Variants in TRIP12 observed in about 807,000 individuals in gnomAD.
TRIP12 encodes E3 ubiquitin-protein ligase TRIP12.
In TRIP12, 25 loss-of-function variants were observed where a neutral mutation model predicts 244.2. The ratio of observed to expected loss-of-function variants is 0.10; its 90% CI spans 0.07 to 0.14. TRIP12 has a LOEUF of 0.14. Ranked by LOEUF, TRIP12 falls within the 10% of genes least tolerant of loss-of-function variation. TRIP12 has a pLI of 1.00. For missense variants in TRIP12, 1,677 were observed against 2,486.4 expected (o/e 0.67, Z 6.92); for synonymous variants, 905 against 873.1 (o/e 1.04, Z -0.64).
At chr2:229,905,064 G>A (rs2072297529) in intron 1 of TRIP12, among the ~76,000 whole-genome samples, 1 of 152,110 alleles carries the variant, frequency 6.6e-6, no homozygotes. Context: ...CACCTGAGGT[G>A]GGGAGTTCGA....
At chr2:229,904,092 G>A (rs2071915447) in intron 1 of TRIP12, among the ~76,000 whole-genome samples, 2 of 151,892 alleles carry the variant, frequency 1.3e-5, no homozygotes, top group African/African-American at 2.4e-5. Context: ...TCACAGATAT[G>A]AGTACAAAGC....
chr2:229,811,214 T>C lies in TRIP12; in HGVS notation c.1987-10A>G. 3 of 1,610,292 alleles carry C rather than the reference T, an allele frequency of 1.9e-6. No individual in the cohort carries two copies. Among genetic ancestry groups the C allele is most frequent in the South Asian group, 2.2e-5 (2 of 90,558 alleles). Reference sequence around the variant, plus strand: ...CTACTGACTTTTTATCCTATTTTTTTAATAAAGGAAAATAAAATTTATTAG... The same window carrying C: ...CTACTGACTTTTTATCCTATTTTTTCAATAAAGGAAAATAAAATTTATTAG... On this transcript the variant is annotated splice_polypyrimidine_tract_variant and intron_variant, in intron 13 of 41. Coordinates refer to ENST00000675903, the MANE Select transcript of TRIP12 (RefSeq NM_001348323.3).
chr2:229,804,682 A>T (rs910016660), intron 18 of TRIP12, among the ~76,000 whole-genome samples: 1 of 152,224 alleles, frequency 6.6e-6, no homozygotes, highest in African/African-American at 2.4e-5. Context: ...ATAACTGATA[A>T]GCAGTAAGTT....
chr2:229,802,857 T>C (rs138680816), intron 20 of TRIP12, among the ~76,000 whole-genome samples: 1 of 151,966 alleles, frequency 6.6e-6, no homozygotes, highest in East Asian at 1.9e-4. Context: ...CTTCAAGCGC[T>C]ACAAAAAGAC....
chr2:229,774,467 G>A (rs1035123985), intron 37 of TRIP12, among the ~76,000 whole-genome samples: 1 of 152,152 alleles, frequency 6.6e-6, no homozygotes, highest in South Asian at 2.1e-4. Context: ...AGAAAAGAGA[G>A]CTGAAGTGCT....
chr2:229,809,343 G>C (rs1029489460), intron 15 of TRIP12, among the ~76,000 whole-genome samples: 16 of 152,026 alleles, frequency 1.1e-4, no homozygotes, highest in African/African-American at 3.6e-4. Flanking sequence ...ACAAAATAGA[G>C]ACAGATAGAA....
chr2:229,905,476 G>A (rs180907308), intron 1 of TRIP12, among the ~76,000 whole-genome samples: 4 of 151,826 alleles, frequency 2.6e-5, no homozygotes, highest in Non-Finnish European at 5.9e-5. Flanking sequence ...GTAGAATAAG[G>A]CCCTCAGTTA....
At chr2:229,804,896 T>C (rs2045446049) in intron 18 of TRIP12, among the ~76,000 whole-genome samples, 1 of 149,950 alleles carries the variant, frequency 6.7e-6, no homozygotes, top group East Asian at 1.9e-4. Flanking sequence ...TGGCCCTTTA[T>C]TTTATTTAAT....
chr2:229,861,279 G>C (rs2060442033), intron 2 of TRIP12, among the ~76,000 whole-genome samples: 1 of 152,116 alleles, frequency 6.6e-6, no homozygotes, highest in Non-Finnish European at 1.5e-5. Context: ...CTAAAAGCAA[G>C]TTTGAGGAAC....
chr2:229,818,060 A>C (rs2048951906), intron 9 of TRIP12, among the ~76,000 whole-genome samples: 1 of 152,138 alleles, frequency 6.6e-6, no homozygotes, highest in African/African-American at 2.4e-5. Flanking sequence ...TAAAAGAAAA[A>C]GCATGTGCAT....
chr2:229,809,475 A>G (rs1481484363), intron 15 of TRIP12, among the ~76,000 whole-genome samples: 1 of 152,228 alleles, frequency 6.6e-6, no homozygotes, highest in Non-Finnish European at 1.5e-5. Context: ...AAAAGAAAAA[A>G]AATGTTAAAA....
At chr2:229,782,039 A>T (rs1292774065) in intron 34 of TRIP12, among the ~76,000 whole-genome samples, 2 of 152,188 alleles carry the variant, frequency 1.3e-5, no homozygotes, top group African/African-American at 2.4e-5. Flanking sequence ...ACCATGAGGG[A>T]TGAGAGAGGA....
chr2:229,839,226 C>T (rs112761922), intron 5 of TRIP12, among the ~76,000 whole-genome samples: 2 of 152,104 alleles, frequency 1.3e-5, no homozygotes, highest in Non-Finnish European at 2.9e-5. Context: ...TGTAAGGTAA[C>T]GTGTTTTACA....
intron 1 of TRIP12, among the ~76,000 whole-genome samples, chr2:229,891,121 T>C (rs2067245632): frequency 6.6e-6 from 1 of 152,008 alleles, no homozygotes; most frequent in Non-Finnish European, 1.5e-5. Flanking sequence ...CTCTACAAAA[T>C]ATTTAAAAAT....
intron 15 of TRIP12, among the ~76,000 whole-genome samples, chr2:229,808,839 A>C (rs1313694347): frequency 6.6e-6 from 1 of 152,246 alleles, no homozygotes; most frequent in Non-Finnish European, 1.5e-5. Flanking sequence ...CTACCTAAGC[A>C]ACACTGATTA....
intron 1 of TRIP12, among the ~76,000 whole-genome samples, chr2:229,906,703 C>A (rs1269520743): frequency 3.5e-5 from 5 of 142,310 alleles, no homozygotes; most frequent in African/African-American, 1.3e-4. Context: ...CTGGGCAACA[C>A]GGTAAGACTC....
chr2:229,774,829 T>TAA (rs759853277), intron 37 of TRIP12, among the ~76,000 whole-genome samples: 2 of 133,084 alleles, frequency 1.5e-5, no homozygotes, highest in South Asian at 2.4e-4. Flanking sequence ...CACTGTGATC[T>TAA]AAAAAAAAAA....
intron 4 of TRIP12, 138 bp from the exon 5 acceptor site, chr2:229,841,065 AT>A (rs1238448864): frequency 4.7e-6 from 3 of 633,566 alleles, no homozygotes; most frequent in Non-Finnish European, 8.1e-6. Flanking sequence ...TACTAGCTTT[AT>A]TTCCACAGCC....
chr2:229,876,357 A>T (rs952752360), intron 2 of TRIP12, among the ~76,000 whole-genome samples: 1 of 152,302 alleles, frequency 6.6e-6, no homozygotes, highest in South Asian at 2.1e-4. Flanking sequence ...ACATTTTATT[A>T]TGAGCAAAAG....
Sources: gnomAD v4.1 joint callset for allele counts (sites outside exome capture counted in the v4.1 genomes callset) on GRCh38, gnomAD v4.1.1 for gene constraint, MANE v1.5 for transcripts, NCBI Gene and HGNC (gene_info 2026-07-23, HGNC 2026-07-21) for gene names.